VPS8: variants seen among roughly 807,000 people sequenced by gnomAD.
VPS8 encodes the protein VPS8 subunit of CORVET complex, also known as vacuolar protein sorting-associated protein 8 homolog.
A neutral mutation model predicts 216.4 loss-of-function variants in VPS8; 129 were observed. That is an observed-to-expected ratio of 0.60 (90% CI 0.52 to 0.69). The LOEUF (loss-of-function observed/expected upper bound fraction) is 0.69. Among genes scored for constraint, VPS8 ranks in the 30% least tolerant of loss-of-function variants. The pLI, the probability that VPS8 is intolerant of heterozygous loss-of-function variation, is 0.00. For synonymous variants in VPS8, 571 were observed against 565.4 expected (o/e 1.01, Z -0.14); for missense variants, 1,531 against 1,683.5 (o/e 0.91, Z 1.59).
chr3:184,981,625 G>A (rs910162780), intron 40 of VPS8, among the ~76,000 whole-genome samples: 8 of 151,790 alleles, frequency 5.3e-5, no homozygotes, highest in East Asian at 3.9e-4. Flanking sequence ...TAGTAGAGAC[G>A]GGGTTTCACC....
intron 7 of VPS8, 75 bp from the exon 8 acceptor site, chr3:184,843,165 C>A: frequency 8.6e-7 from 1 of 1,159,718 alleles, no homozygotes. Context: ...TTTTTACCTG[C>A]CTTTTCTTCG....
chr3:184,988,072 C>A (rs1224302138), intron 42 of VPS8, among the ~76,000 whole-genome samples: 11 of 152,270 alleles, frequency 7.2e-5, no homozygotes, highest in Non-Finnish European at 7.4e-5. Flanking sequence ...GGTTCTTTAT[C>A]ACATGCGTGT....
chr3:184,929,552 C>A (rs1352149668), intron 32 of VPS8, 28 bp from the exon 33 acceptor site: 1 of 1,334,308 alleles, frequency 7.5e-7, no homozygotes, highest in Admixed American at 2.1e-5. Flanking sequence ...CTGTTTGGTA[C>A]ACTGAAGTTT....
intron 40 of VPS8, among the ~76,000 whole-genome samples, chr3:184,976,546 TATGA>T (rs1749298967): frequency 6.6e-6 from 1 of 152,024 alleles, no homozygotes; most frequent in African/African-American, 2.4e-5. Context: ...AGGTTTGGAG[TATGA>T]ATGAATAATC....
chr3:184,912,933 C>G (rs1220057080), intron 25 of VPS8, among the ~76,000 whole-genome samples: 1 of 152,202 alleles, frequency 6.6e-6, no homozygotes, highest in Non-Finnish European at 1.5e-5. Flanking sequence ...CTGTATTGCC[C>G]TTGACCCCTT....
intron 24 of VPS8, among the ~76,000 whole-genome samples, chr3:184,899,133 T>C (rs942144588): frequency 2.0e-5 from 3 of 152,202 alleles, no homozygotes; most frequent in African/African-American, 7.2e-5. Context: ...ACTCAGAATT[T>C]TATAGCATTC....
intron 36 of VPS8, among the ~76,000 whole-genome samples, chr3:184,941,012 C>T (rs368922659): frequency 5.9e-5 from 9 of 152,324 alleles, no homozygotes; most frequent in Admixed American, 1.3e-4. Flanking sequence ...TATTTTGATG[C>T]ACACCTAGAG....
chr3:184,893,658 A>G (rs1006587561), intron 22 of VPS8, among the ~76,000 whole-genome samples: 3 of 152,242 alleles, frequency 2.0e-5, no homozygotes, highest in Admixed American at 6.5e-5. Flanking sequence ...AGATAATTTC[A>G]TAGCACATTT....
chr3:185,027,996 G>T (rs1411266782), intron 46 of VPS8, among the ~76,000 whole-genome samples: 3 of 152,186 alleles, frequency 2.0e-5, no homozygotes, highest in East Asian at 1.9e-4. Context: ...CACCATGGCG[G>T]TTAACAAGTC....
intron 9 of VPS8, 149 bp downstream of exon 9, chr3:184,849,344 C>A: frequency 1.0e-6 from 1 of 959,962 alleles, no homozygotes. Context: ...TGAGTTTTGT[C>A]TTGTTCAAAA....
At chr3:184,841,066 A>G (rs1256093273) in intron 7 of VPS8, among the ~76,000 whole-genome samples, 3 of 152,210 alleles carry the variant, frequency 2.0e-5, no homozygotes, top group African/African-American at 7.2e-5. Flanking sequence ...ATTGATTTAA[A>G]TAAGAGTTTT....
At chr3:184,842,628 G>A (rs1469653936) in intron 7 of VPS8, among the ~76,000 whole-genome samples, 2 of 152,146 alleles carry the variant, frequency 1.3e-5, no homozygotes, top group East Asian at 3.8e-4. Flanking sequence ...ACTATAAAGT[G>A]TCTAGAGGCC....
chr3:184,946,296 G>A (rs900742199), intron 36 of VPS8, among the ~76,000 whole-genome samples: 1 of 152,234 alleles, frequency 6.6e-6, no homozygotes, highest in Admixed American at 6.5e-5. Context: ...GAAGGGGTTA[G>A]TTTTAGGGGG....
chr3:185,022,504 G>T (rs1382274352), intron 45 of VPS8, among the ~76,000 whole-genome samples: 1 of 151,982 alleles, frequency 6.6e-6, no homozygotes, highest in African/African-American at 2.4e-5. Flanking sequence ...TTCTGTTTTG[G>T]GTCCATTTTT....
intron 24 of VPS8, among the ~76,000 whole-genome samples, chr3:184,899,755 A>C (rs1485941014): frequency 2.6e-5 from 4 of 152,344 alleles, no homozygotes; most frequent in South Asian, 2.1e-4. Flanking sequence ...AGTTTTGCTC[A>C]AAATAATCCC....
chr3:184,887,254 G>A (rs1731454269), intron 22 of VPS8, among the ~76,000 whole-genome samples: 1 of 152,122 alleles, frequency 6.6e-6, no homozygotes. Flanking sequence ...GGCTGAGGTG[G>A]GAGGATCGTT....
At chr3:184,925,032 C>T (rs1739327963) in intron 30 of VPS8, 51 bp downstream of exon 30, 9 of 1,562,906 alleles carry the variant, frequency 5.8e-6, no homozygotes, top group East Asian at 2.3e-5. Flanking sequence ...TTACTGCGCA[C>T]AGTTCCCTGG....
intron 46 of VPS8, among the ~76,000 whole-genome samples, chr3:185,030,986 A>C (rs1002102613): frequency 1.1e-4 from 16 of 149,846 alleles, no homozygotes; most frequent in Non-Finnish European, 5.9e-5. Context: ...TTTATAACCA[A>C]TTCTCAGTCT....
At position 184,994,030 on chromosome 3, in the gene VPS8, C is replaced by A; in HGVS notation, c.3633C>A (p.Ile1211=). The part of the protein sequence containing the change: ...KGKLGEIQGL[I]LGMLDTFNYE... ...AACTTGGAGAAATCCAGGGACTTAT[C>A]TTGGGAATGTTAGATACCTTTAACT... The change falls in exon 43 of 48, where the codon ATC becomes ATA. Residue 1211 remains isoleucine (I), a synonymous_variant. Coordinates refer to ENST00000625842, the MANE Select transcript of VPS8 (RefSeq NM_001009921.3). 6.4e-7 allele frequency: 1 copy of A among 1,569,816 alleles called. No homozygotes were observed. Among genetic ancestry groups the A allele is most frequent in the South Asian group, 1.2e-5 (1 of 82,438 alleles).
Sources: gnomAD v4.1 joint callset for allele counts (sites outside exome capture counted in the v4.1 genomes callset) on GRCh38, gnomAD v4.1.1 for gene constraint, MANE v1.5 for transcripts, NCBI Gene and HGNC (gene_info 2026-07-23, HGNC 2026-07-21) for gene names.